RBFOX3: variants seen among roughly 807,000 people sequenced by gnomAD.
The protein encoded by RBFOX3 is RNA binding protein fox-1 homolog 3.
Under a neutral mutation model 48.7 loss-of-function variants are expected in RBFOX3, and 17 were observed. That is an observed-to-expected ratio of 0.35 (90% CI 0.24 to 0.52). RBFOX3 has a LOEUF of 0.52. RBFOX3 is among the 20% of genes least tolerant of loss of function. The probability of loss-of-function intolerance (pLI) is 0.94; values close to 1 mark genes in which losing one functional copy is unlikely to be tolerated. For synonymous variants in RBFOX3, 212 were observed against 209.5 expected, an observed-to-expected ratio of 1.01 and a Z score of -0.10; for missense variants, 382 against 497.5, an observed-to-expected ratio of 0.77 and a Z score of 2.21.
intron 2 of RBFOX3, among the ~76,000 whole-genome samples, chr17:79,383,997 C>T (rs956450001): frequency 6.6e-6 from 1 of 152,138 alleles, no homozygotes; most frequent in Non-Finnish European, 1.5e-5. Context: ...AAGCCAGACA[C>T]GGGGCTAGAA....
At chr17:79,661,504 T>G in the RBFOX3 span, among the ~76,000 whole-genome samples, 233 of 152,352 alleles carry the variant, frequency 1.5e-3, 3 homozygotes, top group African/African-American at 4.4e-3. Flanking sequence ...ACTACTGTGT[T>G]GCTTGGCCTG....
intron 2 of RBFOX3, among the ~76,000 whole-genome samples, chr17:79,333,678 G>T (rs2080754104): frequency 6.6e-6 from 1 of 152,208 alleles, no homozygotes; most frequent in African/African-American, 2.4e-5. Context: ...AGGTCTGTCT[G>T]ATGGCAAACA....
In RBFOX3 at chr17:79,303,850, C is replaced by CGT. The variant is rs1568007584; in HGVS notation, c.-74+3873_-74+3874insAC. ...GTTTGTATGCATGTGTGCATGTCTG[C>CGT]CTGTGTGTGTGTGTGTGTGTGTGTG... On this transcript the variant is annotated intron_variant, in intron 3 of 14. Coordinates refer to ENST00000693108, the MANE Select transcript of RBFOX3 (RefSeq NM_001350451.2). 4.7e-4 allele frequency among the ~76,000 whole-genome samples: 28 copies of CGT among 59,166 alleles called. No homozygotes were observed. The East Asian group carries it at 0.012, about 26-fold the overall frequency. The allele number at this position is 59,166 out of a possible 152,430, so 38.8% of individuals were successfully genotyped here. A position where few individuals can be genotyped will look rare whatever the true frequency, so the allele number is the denominator to read the frequency against.
chr17:79,461,010 T>C (rs895403164), intron 2 of RBFOX3, among the ~76,000 whole-genome samples: 7 of 152,180 alleles, frequency 4.6e-5, no homozygotes, highest in African/African-American at 9.7e-5. Context: ...CCAGAAAACT[T>C]CTGTGCATGC....
At chr17:79,331,485 G>A (rs78042403) in intron 2 of RBFOX3, among the ~76,000 whole-genome samples, 2,117 of 152,260 alleles carry the variant, frequency 0.014, 103 homozygotes, top group Admixed American at 0.098. Flanking sequence ...CAAATGTTTC[G>A]CTTCATTCCA....
chr17:79,509,040 T>A (rs961565215), intron 1 of RBFOX3, among the ~76,000 whole-genome samples: 1 of 152,080 alleles, frequency 6.6e-6, no homozygotes, highest in Non-Finnish European at 1.5e-5. Context: ...GCTGACGAAG[T>A]CAGAGCCCAG....
chr17:79,199,546 G>A lies in RBFOX3; in HGVS notation c.-34+36220C>T, dbSNP rs1350240126. On this transcript the variant is annotated intron_variant, in intron 4 of 14. Transcript: ENST00000693108. This position sits in a 1 kb window ranked among gnomAD's most constrained non-coding sequence, Gnocchi z 5.1. ...TGACTTAGGGCTGCCAGTGACCTCTGTGGTGGGAACAGGTGACCTAGAACA... is the reference window on the plus strand; with the variant it reads ...TGACTTAGGGCTGCCAGTGACCTCTATGGTGGGAACAGGTGACCTAGAACA... Among the ~76,000 whole-genome samples, 1 of 152,206 alleles carries A rather than the reference G, an allele frequency of 6.6e-6. No individual in the cohort carries two copies. The highest frequency in any genetic ancestry group is 1.5e-5 in the Non-Finnish European group (1 of 68,030).
At chr17:79,276,780 G>A (rs1201084359) in intron 3 of RBFOX3, among the ~76,000 whole-genome samples, 4 of 152,224 alleles carry the variant, frequency 2.6e-5, no homozygotes, top group African/African-American at 7.2e-5. Flanking sequence ...GGCCAGGCAT[G>A]TTCTCAGCAG....
intron 5 of RBFOX3, among the ~76,000 whole-genome samples, chr17:79,112,661 G>C (rs922758514): frequency 3.9e-5 from 6 of 152,094 alleles, no homozygotes; most frequent in African/African-American, 1.4e-4. Flanking sequence ...GCCGTCTAGG[G>C]GCCGGCTCTG....
rs966463826 is a variant in RBFOX3, at chr17:79,089,936, A to G, written c.*947T>C. Reference sequence around the variant, plus strand: ...AGGCCCACAGCCACTGTGACTCCCAACCTCGCGATGCAGCCGGGCGCTGGC... The same window carrying G: ...AGGCCCACAGCCACTGTGACTCCCAGCCTCGCGATGCAGCCGGGCGCTGGC... On this transcript the variant is annotated 3_prime_UTR_variant, in exon 15 of 15. Coordinates refer to ENST00000693108, the MANE Select transcript of RBFOX3 (RefSeq NM_001350451.2). 3 of 152,162 alleles carry G rather than the reference A, an allele frequency of 2.0e-5. No individual in the cohort carries two copies. The highest frequency in any genetic ancestry group is 4.4e-5 in the Non-Finnish European group (3 of 68,064). 9.4% of individuals were successfully genotyped at this position (152,162 alleles called of 1,614,324 possible). A position where few individuals can be genotyped will look rare whatever the true frequency, so the allele number is the denominator to read the frequency against.
chr17:79,229,558 C>CAAAAAAA (rs11435725), intron 4 of RBFOX3, among the ~76,000 whole-genome samples: 3 of 50,662 alleles, frequency 5.9e-5, no homozygotes, highest in African/African-American at 8.0e-5. Flanking sequence ...GACTCCATCT[C>CAAAAAAA]AAAAAAAAAA....
chr17:79,393,405 C>T (rs1395653179), intron 2 of RBFOX3, among the ~76,000 whole-genome samples: 1 of 152,210 alleles, frequency 6.6e-6, no homozygotes, highest in East Asian at 1.9e-4. Context: ...CAGGGGAGAC[C>T]CGGCCAGTGA....
At chr17:79,388,746 G>A (rs903565028) in intron 2 of RBFOX3, among the ~76,000 whole-genome samples, 2 of 152,096 alleles carry the variant, frequency 1.3e-5, no homozygotes, top group Non-Finnish European at 2.9e-5. Flanking sequence ...GCCGCCTCCA[G>A]CCACCCCTCC....
At chr17:79,109,655 T>A (rs140622568) in intron 5 of RBFOX3, among the ~76,000 whole-genome samples, 5 of 152,284 alleles carry the variant, frequency 3.3e-5, no homozygotes, top group African/African-American at 1.2e-4. Flanking sequence ...TCCTCCTCGG[T>A]GGACAGGGAT....
At chr17:79,512,346 A>G (rs1436652208) in intron 1 of RBFOX3, among the ~76,000 whole-genome samples, 142 of 115,228 alleles carry the variant, frequency 1.2e-3, no homozygotes, top group Middle Eastern at 0.02. Context: ...CATCGGATAC[A>G]GCCCCATGGC....
At chr17:79,584,425 A>T (rs1298782554) in intron 1 of RBFOX3, among the ~76,000 whole-genome samples, 1 of 152,258 alleles carries the variant, frequency 6.6e-6, no homozygotes, top group Admixed American at 6.5e-5. Flanking sequence ...TGATACAAAA[A>T]AAGATATTTG....
intron 2 of RBFOX3, among the ~76,000 whole-genome samples, chr17:79,420,636 G>A (rs577303055): frequency 6.6e-6 from 1 of 152,238 alleles, no homozygotes; most frequent in Non-Finnish European, 1.5e-5. Flanking sequence ...GGAGGGAAGT[G>A]CACGGGAACC....
chr17:79,194,288 GT>G (rs1463544885), intron 4 of RBFOX3, among the ~76,000 whole-genome samples: 2 of 152,124 alleles, frequency 1.3e-5, no homozygotes, highest in Non-Finnish European at 2.9e-5. Context: ...GAGCAAGGGG[GT>G]TCTGCCAGGA....
chr17:79,310,102 G>T lies in RBFOX3; in HGVS notation c.-174-2278C>A, dbSNP rs572658797. Among the ~76,000 whole-genome samples, 11 of 152,294 alleles carry T rather than the reference G, an allele frequency of 7.2e-5. No individual in the cohort carries two copies. The South Asian group carries it at 2.3e-3, about 32-fold the overall frequency. On this transcript the variant is annotated intron_variant, in intron 2 of 14. Coordinates refer to ENST00000693108, the MANE Select transcript of RBFOX3 (RefSeq NM_001350451.2). ...CAGGTGCTCAGGGAATGAGGAATGA[G>T]GGATGAATGTGTGAATGCACAGCTA...
Sources: gnomAD v4.1 joint callset for allele counts (sites outside exome capture counted in the v4.1 genomes callset) on GRCh38, gnomAD v4.1.1 for gene constraint, Gnocchi (gnomAD v3.1) non-coding constraint, MANE v1.5 for transcripts, NCBI Gene and HGNC (gene_info 2026-07-23, HGNC 2026-07-21) for gene names.